ACOT7: variants seen among roughly 807,000 people sequenced by gnomAD.
The protein encoded by ACOT7 is cytosolic acyl coenzyme A thioester hydrolase.
In ACOT7, 12 loss-of-function variants were observed where a neutral mutation model predicts 40.2. That is an observed-to-expected ratio of 0.30 (90% confidence interval 0.19 to 0.48). ACOT7 has a LOEUF of 0.48. Ranked by LOEUF, ACOT7 falls within the 20% of genes least tolerant of loss-of-function variation. The pLI is 0.99. For synonymous variants in ACOT7, 228 were observed against 219.5 expected, an observed-to-expected ratio of 1.04 and a Z score of -0.34; for missense variants, 395 against 530.8, an observed-to-expected ratio of 0.74 and a Z score of 2.51.
chr1:6,385,575 G>T, intron 1 of ACOT7: 1 of 1,612,146 alleles, frequency 6.2e-7, no homozygotes, highest in Non-Finnish European at 8.5e-7. Flanking sequence ...CCCTCGCCGG[G>T]GCCCCACACA....
chr1:6,321,820 G>C (rs549215413), intron 5 of ACOT7, among the ~76,000 whole-genome samples: 10 of 152,344 alleles, frequency 6.6e-5, no homozygotes, highest in Admixed American at 5.9e-4. Flanking sequence ...GTCTTAATGG[G>C]CTTTTGATTT....
At chr1:6,268,287 CTG>C (rs745430772) in intron 8 of ACOT7, among the ~76,000 whole-genome samples, 1 of 152,194 alleles carries the variant, frequency 6.6e-6, no homozygotes, top group Non-Finnish European at 1.5e-5. Flanking sequence ...TGAGAGCTCT[CTG>C]TGGTGGGGGA....
intron 1 of ACOT7, among the ~76,000 whole-genome samples, chr1:6,376,926 C>T (rs563917337): frequency 6.6e-6 from 1 of 152,088 alleles, no homozygotes; most frequent in Non-Finnish European, 1.5e-5. Flanking sequence ...GCCAAAGACC[C>T]GAACAGATGC....
intron 5 of ACOT7, among the ~76,000 whole-genome samples, chr1:6,321,319 G>A (rs1043978368): frequency 6.6e-6 from 1 of 152,158 alleles, no homozygotes; most frequent in African/African-American, 2.4e-5. Context: ...CGTAAACTTA[G>A]TAGGCATCTG....
rs79636197 is a variant in ACOT7 at position 6,389,296 on chromosome 1, A to G, written c.143+3961T>C. Among the ~76,000 whole-genome samples the G allele has an allele frequency of 4.8e-3, 731 of 152,248 alleles. 3 individuals carry two copies. The highest frequency in any genetic ancestry group is 0.017 in the African/African-American group (695 of 41,540). On this transcript the variant is annotated intron_variant, in intron 1 of 8. Coordinates refer to ENST00000361521, the MANE Select transcript of ACOT7 (RefSeq NM_007274.4). ...CAAAGAAAACACAAAAAAACCTTGT[A>G]GATTTCACACATCTACCTATAAATA... is the stretch of plus-strand genomic sequence containing the variant.
chr1:6,390,955 CAAAA>C (rs1642523658), intron 1 of ACOT7, among the ~76,000 whole-genome samples: 1 of 151,432 alleles, frequency 6.6e-6, no homozygotes, highest in South Asian at 2.1e-4. Flanking sequence ...AACAAACAAA[CAAAA>C]AGCACACACT....
In ACOT7 at chr1:6,278,261, C is replaced by T. The variant is rs557623222; in HGVS notation, c.1014+2841G>A. 6.6e-6 allele frequency among the ~76,000 whole-genome samples: 1 copy of T among 152,220 alleles called. No homozygotes were observed. The highest frequency in any genetic ancestry group is 2.4e-5 in the African/African-American group (1 of 41,538). On this transcript the variant is annotated intron_variant, in intron 8 of 8. Coordinates refer to ENST00000361521, the MANE Select transcript of ACOT7 (RefSeq NM_007274.4). The surrounding 1 kb of genome is among the most constrained non-coding windows in gnomAD (Gnocchi z 4.1). ...GCCGGGCAGGAGTGAGCTTGCTGCA[C>T]CCACACCCAGGGCATGGAGGAGCCA...
intron 2 of ACOT7, among the ~76,000 whole-genome samples, chr1:6,344,488 G>A (rs900686832): frequency 6.6e-5 from 10 of 152,096 alleles, no homozygotes; most frequent in Non-Finnish European, 1.3e-4. Context: ...AAGTAGGGCC[G>A]GGCGCAGTGG....
Position 6,337,117 on chromosome 1 carries a change from C to T in ACOT7, c.418+2316G>A, listed in dbSNP as rs147786967. On this transcript the variant is annotated intron_variant, in intron 3 of 8. Coordinates refer to ENST00000361521, the MANE Select transcript of ACOT7 (RefSeq NM_007274.4). ...CTGCCTTCTCCAAGCCTCACGCGCA[C>T]GACAGCGCAATGCCAGCCCTGATGT... Among the ~76,000 whole-genome samples the T allele has an allele frequency of 5.3e-3, 815 of 152,364 alleles. 8 individuals are homozygous for T. Among genetic ancestry groups the T allele is most frequent in the African/African-American group, 0.018 (763 of 41,584 alleles).
chr1:6,322,724 ACT>A (rs1640683137), intron 5 of ACOT7, among the ~76,000 whole-genome samples: 2 of 151,648 alleles, frequency 1.3e-5, no homozygotes, highest in Admixed American at 6.6e-5. Context: ...CTCTTTAAAG[ACT>A]CTTTCTTTAC....
intron 1 of ACOT7, among the ~76,000 whole-genome samples, chr1:6,360,386 G>A (rs1168286607): frequency 6.6e-6 from 1 of 152,218 alleles, no homozygotes; most frequent in African/African-American, 2.4e-5. Context: ...CCAGGCCCGG[G>A]CCATCAGCCT....
At chr1:6,348,522 A>C (rs542695849) in intron 2 of ACOT7, among the ~76,000 whole-genome samples, 18 of 152,120 alleles carry the variant, frequency 1.2e-4, no homozygotes, top group Non-Finnish European at 2.4e-4. Flanking sequence ...GGAGGTGATG[A>C]GAGAATGGGG....
At position 6,282,590 on chromosome 1, in the gene ACOT7, G is replaced by T. The variant is rs1167146720; in HGVS notation, c.830-1304C>A. The T allele has an allele frequency of 2.0e-5, 12 of 596,120 alleles. No homozygotes were observed. Among genetic ancestry groups the T allele is most frequent in the South Asian group, 1.8e-4 (11 of 60,880 alleles). The allele number at this position is 596,120 out of a possible 1,614,324, so 36.9% of individuals were successfully genotyped here. ...GCACCGAGACCAGCCTCACAAGGCA[G>T]GTTTAGAGACCCAGAGTGAGAAAGC... On this transcript the variant is annotated intron_variant, in intron 7 of 8. Coordinates refer to ENST00000361521, the MANE Select transcript of ACOT7 (RefSeq NM_007274.4). The surrounding 1 kb of genome is among the most constrained non-coding windows in gnomAD (Gnocchi z 4.5).
chr1:6,307,728 CCAGGCGGGGGAACTGCAA>C (rs1278689588), intron 6 of ACOT7, among the ~76,000 whole-genome samples: 11 of 151,694 alleles, frequency 7.3e-5, no homozygotes, highest in Non-Finnish European at 1.0e-4. Flanking sequence ...GGAACCACGA[CCAGGCGGGGGAACTGCAA>C]CAGGCGGAGG....
intron 5 of ACOT7, among the ~76,000 whole-genome samples, chr1:6,319,911 T>A (rs1167252657): frequency 6.6e-6 from 1 of 152,208 alleles, no homozygotes; most frequent in Non-Finnish European, 1.5e-5. Context: ...GCCAGGGGCT[T>A]GGCCCTGGGT....
intron 8 of ACOT7, among the ~76,000 whole-genome samples, chr1:6,271,693 C>G (rs943168938): frequency 6.6e-6 from 1 of 152,234 alleles, no homozygotes; most frequent in African/African-American, 2.4e-5. Context: ...TCCACACCCA[C>G]CCAGGACTGC....
chr1:6,345,437 G>A (rs903015196), intron 2 of ACOT7, among the ~76,000 whole-genome samples: 2 of 152,194 alleles, frequency 1.3e-5, no homozygotes, highest in Non-Finnish European at 2.9e-5. Context: ...CTTGTGCAGC[G>A]ACACAACCTC....
At chr1:6,332,145 C>A (rs1640972670) in intron 4 of ACOT7, among the ~76,000 whole-genome samples, 2 of 152,236 alleles carry the variant, frequency 1.3e-5, no homozygotes, top group African/African-American at 4.8e-5. Flanking sequence ...TCCTGACAAT[C>A]TGGTTCTCAG....
At chr1:6,283,385 C>T (rs527942152) in intron 7 of ACOT7, among the ~76,000 whole-genome samples, 1 of 152,298 alleles carries the variant, frequency 6.6e-6, no homozygotes, top group East Asian at 1.9e-4. Context: ...TGGTCTAGAA[C>T]TCCTGGCCTC....
Sources: allele counts gnomAD v4.1 joint callset (sites outside exome capture counted in the v4.1 genomes callset), GRCh38; gene constraint gnomAD v4.1.1; non-coding constraint Gnocchi (gnomAD v3.1); transcripts MANE v1.5; gene names NCBI Gene and HGNC (gene_info 2026-07-23, HGNC 2026-07-21).